NCBP1: variants seen among roughly 807,000 people sequenced by gnomAD.
NCBP1 encodes nuclear cap binding protein subunit 1.
A neutral mutation model predicts 111.7 loss-of-function variants in NCBP1; 16 were observed. The ratio of observed to expected loss-of-function variants is 0.14; its 90% CI spans 0.10 to 0.22. The LOEUF is 0.22. NCBP1 is among the 10% of genes least tolerant of loss of function. The pLI is 1.00. For missense variants in NCBP1, 607 were observed against 957.5 expected, an observed-to-expected ratio of 0.63 and a Z score of 4.83; for synonymous variants, 304 against 314.3, an observed-to-expected ratio of 0.97 and a Z score of 0.35.
intron 2 of NCBP1, among the ~76,000 whole-genome samples, chr9:97,641,118 G>A (rs946353357): frequency 3.5e-4 from 53 of 152,058 alleles, no homozygotes; most frequent in African/African-American, 1.1e-3. Context: ...GGGACCTAGG[G>A]TATAGACCCC....
chr9:97,663,713 G>C (rs1719022540), intron 18 of NCBP1, among the ~76,000 whole-genome samples: 1 of 151,806 alleles, frequency 6.6e-6, no homozygotes, highest in Admixed American at 6.6e-5. Flanking sequence ...TGGAACTCCT[G>C]ACCTCAGGTG....
At chr9:97,652,772 G>A (rs1827534940) in intron 10 of NCBP1, among the ~76,000 whole-genome samples, 1 of 152,222 alleles carries the variant, frequency 6.6e-6, no homozygotes. Flanking sequence ...AAAGTACTGT[G>A]TATTTCCTAT....
In NCBP1 at chr9:97,671,211, T is replaced by C; in HGVS notation, c.*12T>C. 1 of 1,548,804 alleles carries C rather than the reference T, an allele frequency of 6.5e-7. No homozygotes were observed. The highest frequency in any genetic ancestry group is 1.2e-5 in the South Asian group (1 of 85,638). The stretch of plus-strand genomic sequence containing the variant: ...CCCTGCAGGCCTAAGGGTCATTTTT[T>C]CCTCATGTCAAGGTTTTTTTTGATA... On this transcript the variant is annotated 3_prime_UTR_variant, in exon 23 of 23. Coordinates refer to ENST00000375147, the MANE Select transcript of NCBP1 (RefSeq NM_002486.5).
intron 3 of NCBP1, 157 bp downstream of exon 3, chr9:97,641,819 C>A: frequency 1.8e-6 from 1 of 544,070 alleles, no homozygotes; most frequent in Non-Finnish European, 2.3e-6. Flanking sequence ...GGCGCTTTGG[C>A]GAACTCTTTT....
chr9:97,655,387 T>C (rs1416427152), intron 12 of NCBP1, among the ~76,000 whole-genome samples: 1 of 151,518 alleles, frequency 6.6e-6, no homozygotes, highest in Non-Finnish European at 1.5e-5. Flanking sequence ...GCCTACAATT[T>C]CATAAAATTT....
At chr9:97,649,717 T>G (rs746266235) in intron 8 of NCBP1, among the ~76,000 whole-genome samples, 4 of 148,982 alleles carry the variant, frequency 2.7e-5, no homozygotes, top group Non-Finnish European at 5.9e-5. Context: ...CATTTAAGAC[T>G]GCTAATGTTT....
rs184063873 is a variant in NCBP1 at position 97,644,844 on chromosome 9, G to A, written c.382-273G>A. Among the ~76,000 whole-genome samples the A allele has an allele frequency of 1.1e-3, 161 of 152,270 alleles. 2 individuals are homozygous for A. The highest frequency in any genetic ancestry group is 4.6e-3 in the East Asian group (24 of 5,186). ...ATAGACAATATGTAACTGAATGAGCGTGGCTATTCCACTAAGTTTACTTAT... is the reference window on the plus strand; with the variant it reads ...ATAGACAATATGTAACTGAATGAGCATGGCTATTCCACTAAGTTTACTTAT... On this transcript the variant is annotated intron_variant, in intron 4 of 22. Coordinates refer to ENST00000375147, the MANE Select transcript of NCBP1 (RefSeq NM_002486.5).
chr9:97,641,805 C>G lies in NCBP1; in HGVS notation c.224+143C>G, dbSNP rs1178068049. 5.9e-6 allele frequency: 5 copies of G among 849,354 alleles called. No individual in the cohort carries two copies. The South Asian group carries it at 1.4e-4, about 24-fold the overall frequency. The allele number at this position is 849,354 out of a possible 1,614,324, so 52.6% of individuals were successfully genotyped here. ...GGGAAATTTGTACAAATGAGCCAAC[C>G]TTTGGCGCTTTGGCGAACTCTTTTT... On this transcript the variant is annotated intron_variant, in intron 3 of 22. Coordinates refer to ENST00000375147, the MANE Select transcript of NCBP1 (RefSeq NM_002486.5).
At chr9:97,637,198 A>G (rs1827068142) in intron 1 of NCBP1, among the ~76,000 whole-genome samples, 1 of 152,172 alleles carries the variant, frequency 6.6e-6, no homozygotes, top group South Asian at 2.1e-4. Context: ...TAAGGGGGGT[A>G]GGATTAGGAG....
chr9:97,647,301 A>G (rs1015862777), intron 6 of NCBP1, among the ~76,000 whole-genome samples, 191 bp from the exon 7 acceptor site: 2 of 152,190 alleles, frequency 1.3e-5, no homozygotes, highest in Non-Finnish European at 2.9e-5. Flanking sequence ...CTCTTTGTCA[A>G]CAATGTTTGA....
intron 1 of NCBP1, among the ~76,000 whole-genome samples, chr9:97,640,130 A>G (rs932505631): frequency 2.6e-5 from 4 of 152,134 alleles, no homozygotes; most frequent in African/African-American, 9.7e-5. Context: ...AGGATAAACT[A>G]TACCGTTGTG....
intron 4 of NCBP1, 49 bp from the exon 5 acceptor site, chr9:97,645,068 A>C: frequency 7.3e-7 from 1 of 1,362,156 alleles, no homozygotes; most frequent in Non-Finnish European, 1.1e-6. Flanking sequence ...TTTTGTAGTT[A>C]TTATAAAGAA....
chr9:97,640,700 C>T, intron 1 of NCBP1, 94 bp from the exon 2 acceptor site: 1 of 944,656 alleles, frequency 1.1e-6, no homozygotes, highest in Non-Finnish European at 1.6e-6. Flanking sequence ...AACATAGGGC[C>T]TGGTAGAAAA....
chr9:97,647,029 T>C (rs1827361739), intron 6 of NCBP1, among the ~76,000 whole-genome samples: 1 of 152,060 alleles, frequency 6.6e-6, no homozygotes, highest in Non-Finnish European at 1.5e-5. Flanking sequence ...TGTAGGGTAT[T>C]TCACTTTTTA....
intron 10 of NCBP1, among the ~76,000 whole-genome samples, chr9:97,652,866 A>C (rs1827537922): frequency 6.6e-6 from 1 of 152,200 alleles, no homozygotes; most frequent in Admixed American, 6.5e-5. Context: ...TTAAATCTGC[A>C]AAATGTATAG....
chr9:97,662,919 T>TA (rs1350741218), intron 17 of NCBP1, 35 bp from the exon 18 acceptor site: 1 of 1,442,020 alleles, frequency 6.9e-7, no homozygotes, highest in African/African-American at 1.4e-5. Flanking sequence ...AATGAATAAG[T>TA]ATATATGGTA....
chr9:97,663,584 A>C (rs1191681186), intron 18 of NCBP1, among the ~76,000 whole-genome samples: 1 of 151,894 alleles, frequency 6.6e-6, no homozygotes. Context: ...TCCCGGGTTC[A>C]AGTGATTCCC....
intron 1 of NCBP1, among the ~76,000 whole-genome samples, chr9:97,634,820 T>C (rs1826956101): frequency 6.6e-6 from 1 of 152,222 alleles, no homozygotes; most frequent in Admixed American, 6.5e-5. Context: ...CCAGAGGGTT[T>C]AGGTTCAAAG....
intron 10 of NCBP1, 46 bp from the exon 11 acceptor site, chr9:97,653,752 C>CA (rs1827562367): frequency 6.9e-7 from 1 of 1,440,610 alleles, no homozygotes; most frequent in African/African-American, 1.4e-5. Flanking sequence ...AATAGAAGTG[C>CA]AAAGATAGCA....
Sources: gnomAD v4.1 joint callset for allele counts (sites outside exome capture counted in the v4.1 genomes callset) on GRCh38, gnomAD v4.1.1 for gene constraint, MANE v1.5 for transcripts, NCBI Gene and HGNC (gene_info 2026-07-23, HGNC 2026-07-21) for gene names.